DDHD1: variants seen among roughly 807,000 people sequenced by gnomAD.
DDHD1 encodes DDHD domain containing 1.
In DDHD1, 49 loss-of-function variants were observed where a neutral mutation model predicts 96.4. The ratio of observed to expected loss-of-function variants is 0.51; its 90% CI spans 0.40 to 0.64. The LOEUF (loss-of-function observed/expected upper bound fraction) is 0.64, where lower values mean the gene tolerates loss of function less well. Among genes scored for constraint, DDHD1 ranks in the 30% least tolerant of loss-of-function variants. The pLI is 0.00. For missense variants in DDHD1, 1,106 were observed against 1,161.2 expected, an observed-to-expected ratio of 0.95 and a Z score of 0.69; for synonymous variants, 442 against 446.5, an observed-to-expected ratio of 0.99 and a Z score of 0.13.
At chr14:53,076,339 A>C (rs1884957884) in intron 4 of DDHD1, among the ~76,000 whole-genome samples, 1 of 152,332 alleles carries the variant, frequency 6.6e-6, no homozygotes, top group East Asian at 1.9e-4. Context: ...TGAGGAAGTA[A>C]CTGCAGATGT....
chr14:53,046,362 C>T lies in DDHD1; in HGVS notation c.*406G>A, dbSNP rs1160008385. ...TTCATAGAAATCTAAAACGATACCA[C>T]CTTGTGATCTTCATATAGAATATGC... On this transcript the variant is annotated 3_prime_UTR_variant, in exon 13 of 13. Coordinates refer to ENST00000673822, the MANE Select transcript of DDHD1 (RefSeq NM_001160148.2). 5 of 152,872 alleles carry T rather than the reference C, an allele frequency of 3.3e-5. No homozygotes were observed. In the East Asian group the frequency reaches 9.6e-4, roughly 29 times the overall value. The allele number at this position is 152,872 out of a possible 1,614,324, so 9.5% of individuals were successfully genotyped here. A position where few individuals can be genotyped will look rare whatever the true frequency, so the allele number is the denominator to read the frequency against.
At chr14:53,142,368 T>C (rs184983577) in intron 1 of DDHD1, among the ~76,000 whole-genome samples, 1 of 151,890 alleles carries the variant, frequency 6.6e-6, no homozygotes, top group African/African-American at 2.4e-5. Context: ...CTGGTTTAAC[T>C]GCAGATCAAT....
intron 12 of DDHD1, among the ~76,000 whole-genome samples, chr14:53,048,380 C>T (rs1882220653): frequency 6.6e-6 from 1 of 150,984 alleles, no homozygotes; most frequent in Non-Finnish European, 1.5e-5. Flanking sequence ...CACTGTCACC[C>T]AGGCTGGAGT....
intron 2 of DDHD1, chr14:53,103,140 C>T: frequency 7.6e-7 from 1 of 1,314,088 alleles, no homozygotes; most frequent in Non-Finnish European, 1.1e-6. Context: ...GAAAATGTGG[C>T]AATCTTAGCT....
rs1881905653 is a variant in DDHD1, at chr14:53,044,915, T to C, written c.*1853A>G. The C allele has an allele frequency of 6.6e-6, 1 of 152,190 alleles. No individual in the cohort carries two copies. The highest frequency in any genetic ancestry group is 1.5e-5 in the Non-Finnish European group (1 of 68,036). 9.4% of individuals were successfully genotyped at this position (152,190 alleles called of 1,614,324 possible). A position where few individuals can be genotyped will look rare whatever the true frequency, so the allele number is the denominator to read the frequency against. On this transcript the variant is annotated 3_prime_UTR_variant, in exon 13 of 13. Coordinates refer to ENST00000673822, the MANE Select transcript of DDHD1 (RefSeq NM_001160148.2). ...TTGCTCCCAGTTTGACAATGATTAT[T>C]GGGAAGCTAAGCAATTCCTTGCAAG...
rs1032587456 is a variant in DDHD1, at chr14:53,051,867, A to G, written c.2498T>C (p.Met833Thr). 6.3e-7 allele frequency: 1 copy of G among 1,599,564 alleles called. No individual in the cohort carries two copies. The highest frequency in any genetic ancestry group is 1.1e-5 in the South Asian group (1 of 88,160). Residue 833 changes from methionine (M) to threonine (T), a missense_variant, in exon 12 of 13, where the codon ATG becomes ACG. Coordinates refer to ENST00000673822, the MANE Select transcript of DDHD1 (RefSeq NM_001160148.2). Reference protein sequence around the residue: ...LPQLLFPENVMQNKDNALVEL... With the variant: ...LPQLLFPENVTQNKDNALVEL... ...ACCGAGGGCATTATCTTTATTCTGC[A>G]TTACATTTTCCGGAAAAAGAAGTTG...
intron 1 of DDHD1, among the ~76,000 whole-genome samples, chr14:53,108,561 C>A (rs537551784): frequency 5.5e-4 from 84 of 152,262 alleles, no homozygotes; most frequent in African/African-American, 1.9e-3. Flanking sequence ...CTCAAAAAAA[C>A]CAAAACCAAA....
chr14:53,046,784 T>C lies in DDHD1; in HGVS notation c.2687A>G (p.Asn896Ser), dbSNP rs2139805489. The C allele has an allele frequency of 1.2e-6, 2 of 1,605,856 alleles. No individual in the cohort carries two copies. Among genetic ancestry groups the C allele is most frequent in the African/African-American group, 1.3e-5 (1 of 74,196 alleles). Residue 896 changes from asparagine (N) to serine (S), a missense_variant, in exon 13 of 13, where the codon AAT (asparagine) becomes AGT (serine). Asn to Ser is a conservative substitution (Grantham distance 46, BLOSUM62 1). This residue lies in a region of DDHD1 where 650 missense variants were observed against 758.8 expected (regional missense o/e 0.86). Coordinates refer to ENST00000673822, the MANE Select transcript of DDHD1 (RefSeq NM_001160148.2). The part of the protein sequence containing the change: ...KHEHDDDAKP[N>S]LDPI Reference sequence around the variant, plus strand: ...CAAGAGAGTTCAGATTGGATCTAAATTGGGTTTTGCATCATCATCGTGCTC... The same window carrying C: ...CAAGAGAGTTCAGATTGGATCTAAACTGGGTTTTGCATCATCATCGTGCTC...
At chr14:53,133,481 G>A (rs1890018518) in intron 1 of DDHD1, among the ~76,000 whole-genome samples, 1 of 152,124 alleles carries the variant, frequency 6.6e-6, no homozygotes, top group Non-Finnish European at 1.5e-5. Context: ...GCATTCAATG[G>A]AAACTTCGTG....
intron 9 of DDHD1, among the ~76,000 whole-genome samples, chr14:53,057,346 G>GA (rs1394587321): frequency 1.3e-5 from 2 of 152,004 alleles, no homozygotes; most frequent in Non-Finnish European, 2.9e-5. Context: ...TTTCTTGTCT[G>GA]AAAATCTTAC....
At chr14:53,064,801 T>C (rs761587406) in intron 6 of DDHD1, among the ~76,000 whole-genome samples, 8 of 152,140 alleles carry the variant, frequency 5.3e-5, no homozygotes, top group Non-Finnish European at 1.0e-4. Context: ...ACATTATGAT[T>C]TTGAAAGCCA....
intron 4 of DDHD1, among the ~76,000 whole-genome samples, chr14:53,076,922 G>A (rs529512587): frequency 1.1e-4 from 17 of 152,250 alleles, no homozygotes; most frequent in African/African-American, 1.7e-4. Flanking sequence ...TTACAGTGTC[G>A]TGTAAACATA....
chr14:53,099,515 G>A (rs989567878), intron 2 of DDHD1, among the ~76,000 whole-genome samples: 7 of 152,152 alleles, frequency 4.6e-5, no homozygotes, highest in African/African-American at 1.7e-4. Context: ...CCCTCAGTAC[G>A]AGTTTTCTCA....
chr14:53,115,016 T>C (rs973263049), intron 1 of DDHD1, among the ~76,000 whole-genome samples: 43 of 152,066 alleles, frequency 2.8e-4, no homozygotes, highest in African/African-American at 1.0e-3. Context: ...ATAACCAGTT[T>C]AAAGAGGAAC....
intron 12 of DDHD1, 60 bp from the exon 13 acceptor site, chr14:53,047,009 G>C (rs1595076491): frequency 1.5e-6 from 2 of 1,304,028 alleles, no homozygotes; most frequent in East Asian, 2.8e-5. Context: ...GTTCTATATA[G>C]ACTTACTGGA....
At chr14:53,138,300 G>A (rs1328901037) in intron 1 of DDHD1, among the ~76,000 whole-genome samples, 1 of 152,158 alleles carries the variant, frequency 6.6e-6, no homozygotes, top group Non-Finnish European at 1.5e-5. Context: ...AGCTACTTGG[G>A]AGGCTGAGGC....
intron 4 of DDHD1, among the ~76,000 whole-genome samples, chr14:53,075,475 C>T (rs1220221621): frequency 6.6e-6 from 1 of 152,016 alleles, no homozygotes; most frequent in Non-Finnish European, 1.5e-5. Context: ...AAAGAAGCTA[C>T]CGAAGAAAAG....
chr14:53,114,355 G>A (rs1305869349), intron 1 of DDHD1, among the ~76,000 whole-genome samples: 1 of 152,224 alleles, frequency 6.6e-6, no homozygotes, highest in African/African-American at 2.4e-5. Flanking sequence ...ACTGACAAGG[G>A]TGATTCTCCC....
rs951282255 is a variant in DDHD1 at position 53,091,896 on chromosome 14, A to G, written c.1178T>C (p.Val393Ala). 1.1e-5 allele frequency: 17 copies of G among 1,613,310 alleles called. No individual in the cohort carries two copies. The East Asian group carries it at 3.6e-4, about 34-fold the overall frequency. ...CTTGTCTTCTAATGTGGCTTCTTCT[A>G]CATAACCTCTATGAAGTCTGGTACC... is the stretch of plus-strand genomic sequence containing the variant. ...SSGTRLHRGY[V>A]EEATLEDKPS... The change falls in exon 4 of 13, where the codon GTA becomes GCA. Residue 393 changes from valine to alanine, a missense_variant. This residue lies in a region of DDHD1 where 650 missense variants were observed against 758.8 expected (regional missense o/e 0.86). Coordinates refer to ENST00000673822, the MANE Select transcript of DDHD1 (RefSeq NM_001160148.2).
Sources: allele counts gnomAD v4.1 joint callset (sites outside exome capture counted in the v4.1 genomes callset), GRCh38; gene constraint gnomAD v4.1.1; regional missense constraint gnomAD v4.1.1; transcripts MANE v1.5; gene names NCBI Gene and HGNC (gene_info 2026-07-23, HGNC 2026-07-21).